The following MCMDC2 variants were observed in gnomAD, a reference collection of about 807,000 sequenced individuals.
MCMDC2 encodes minichromosome maintenance domain-containing protein 2.
A neutral mutation model predicts 75.8 loss-of-function variants in MCMDC2; 54 were observed. The observed-to-expected ratio is 0.71, with a 90% CI of 0.57 to 0.89. The LOEUF (loss-of-function observed/expected upper bound fraction) is 0.89, where lower values mean the gene tolerates loss of function less well. Ranked by LOEUF, MCMDC2 falls within the 40% of genes least tolerant of loss-of-function variation. The probability of loss-of-function intolerance (pLI) is 0.00; values close to 1 mark genes in which losing one functional copy is unlikely to be tolerated. For missense variants in MCMDC2, 656 were observed against 780.4 expected (o/e 0.84, Z 1.90); for synonymous variants, 249 against 274.6 (o/e 0.91, Z 0.92).
intron 14 of MCMDC2, among the ~76,000 whole-genome samples, chr8:66,918,445 G>T (rs1401917866): frequency 2.0e-5 from 3 of 152,134 alleles, no homozygotes; most frequent in African/African-American, 7.2e-5. Context: ...AATCCAAAGT[G>T]AATCTGTCCT....
At chr8:66,896,981 AC>A in intron 12 of MCMDC2, 22 bp downstream of exon 12, 1 of 1,573,902 alleles carries the variant, frequency 6.4e-7, no homozygotes, top group South Asian at 1.2e-5. Flanking sequence ...TAAAACGGTT[AC>A]CCAGAATGCC....
At position 66,896,279 on chromosome 8, in the gene MCMDC2, T is replaced by A; in HGVS notation, c.1389T>A (p.Asp463Glu). 1.2e-6 allele frequency: 2 copies of A among 1,611,852 alleles called. No homozygotes were observed. Among genetic ancestry groups the A allele is most frequent in the South Asian group, 2.2e-5 (2 of 90,302 alleles). Reference sequence around the variant, plus strand: ...AGTGCAGTTTTTGGTCTTTTGTTGATGTGGATTCATCTTCAAGGAGAAATG... The same window carrying A: ...AGTGCAGTTTTTGGTCTTTTGTTGAAGTGGATTCATCTTCAAGGAGAAATG... ...PVQCSFWSFV[D>E]VDSSSRRNAQ... The change falls in exon 11 of 15, where the codon GAT (aspartate) becomes GAA (glutamate). Residue 463 changes from aspartate to glutamate, a missense_variant. Transcript: ENST00000422365.
chr8:66,896,323 T>A lies in MCMDC2; in HGVS notation c.1433T>A (p.Leu478Gln). Residue 478 changes from leucine (L) to glutamine (Q), a missense_variant, in exon 11 of 15, where the codon CTA (leucine) becomes CAA (glutamine). Leu to Gln is a moderately radical substitution (Grantham distance 113). Transcript: ENST00000422365. The stretch of plus-strand genomic sequence containing the variant: ...AGAAATGCACAGAAAATCAACACTC[T>A]AATTGGTCAGATGGTAAGGTATATG... ...SRRNAQKINT[L>Q]IGQMDCSLIP... 6.2e-7 allele frequency: 1 copy of A among 1,606,796 alleles called. No individual in the cohort carries two copies. The highest frequency in any genetic ancestry group is 8.5e-7 in the Non-Finnish European group (1 of 1,178,520).
At chr8:66,889,472 C>A (rs118005034) in intron 9 of MCMDC2, among the ~76,000 whole-genome samples, 1 of 151,870 alleles carries the variant, frequency 6.6e-6, no homozygotes, top group South Asian at 2.1e-4. Flanking sequence ...CCAGCTTGTA[C>A]GACAGAGCGA....
chr8:66,877,552 T>G lies in MCMDC2; in HGVS notation c.481+8T>G. 6.3e-7 allele frequency: 1 copy of G among 1,587,184 alleles called. No homozygotes were observed. Among genetic ancestry groups the G allele is most frequent in the Non-Finnish European group, 8.6e-7 (1 of 1,169,396 alleles). On this transcript the variant is annotated splice_region_variant and intron_variant, in intron 5 of 14. Coordinates refer to ENST00000422365, the MANE Select transcript of MCMDC2 (RefSeq NM_173518.5). The stretch of plus-strand genomic sequence containing the variant: ...CATGCCCTCTTTCAAAAGGTAAATG[T>G]TAAATAGGAAAATCAAAGCATTAAG...
Position 66,912,606 on chromosome 8 carries a change from T to TA in MCMDC2, c.1880-6391dup, listed in dbSNP as rs1813160057. Reference sequence around the variant, plus strand: ...TACACCATGGAATATTATGCAGCCATAAAAAAGAATGAGTTCATGTACTTT... The same window carrying TA: ...TACACCATGGAATATTATGCAGCCATAAAAAAAGAATGAGTTCATGTACTTT... On this transcript the variant is annotated intron_variant, in intron 14 of 14. Transcript: ENST00000422365. Among the ~76,000 whole-genome samples the TA allele has an allele frequency of 5.3e-5, 8 of 152,068 alleles. No individual in the cohort carries two copies. In the South Asian group the frequency reaches 1.7e-3, roughly 32 times the overall value.
At chr8:66,923,955 C>T (rs1180270336), downstream of MCMDC2, among the ~76,000 whole-genome samples, 2 of 151,980 alleles carry the variant, frequency 1.3e-5, no homozygotes, top group Admixed American at 1.3e-4. Context: ...ACCCAAAAGA[C>T]TGATGGGCAC....
At chr8:66,892,027 G>A (rs574102696) in intron 10 of MCMDC2, among the ~76,000 whole-genome samples, 5 of 152,324 alleles carry the variant, frequency 3.3e-5, no homozygotes, top group East Asian at 1.9e-4. Context: ...CAGCTCTCTC[G>A]TTCCTGCTGC....
intron 12 of MCMDC2, among the ~76,000 whole-genome samples, chr8:66,897,484 G>A (rs1812416997): frequency 6.6e-6 from 1 of 151,744 alleles, no homozygotes; most frequent in Admixed American, 6.6e-5. Flanking sequence ...AGAAACAACT[G>A]TGTTAGGTAA....
intron 14 of MCMDC2, among the ~76,000 whole-genome samples, chr8:66,909,215 C>T (rs1386616020): frequency 6.6e-6 from 1 of 152,190 alleles, no homozygotes; most frequent in East Asian, 1.9e-4. Flanking sequence ...TTCCTGAGGC[C>T]TCCCCAGCCA....
At chr8:66,917,136 T>C (rs978232933) in intron 14 of MCMDC2, among the ~76,000 whole-genome samples, 12 of 151,976 alleles carry the variant, frequency 7.9e-5, no homozygotes. Flanking sequence ...TGTGACACTA[T>C]GTATATGGGA....
Position 66,877,351 on chromosome 8 carries a change from T to G in MCMDC2, c.288T>G (p.Ile96Met). ...TACCATTTTTATGTTCTTATTAGAT[T>G]AATATAGTGCTGAAATTAACACATT... ...LIGQLQTETQ[I>M]NIVLKLTHLP... Residue 96 changes from isoleucine to methionine, a missense_variant and splice_region_variant, in exon 5 of 15, where the codon ATT (isoleucine) becomes ATG (methionine). Coordinates refer to ENST00000422365, the MANE Select transcript of MCMDC2 (RefSeq NM_173518.5). 5 of 1,595,898 alleles carry G rather than the reference T, an allele frequency of 3.1e-6. No individual in the cohort carries two copies. The highest frequency in any genetic ancestry group is 4.3e-6 in the Non-Finnish European group (5 of 1,168,270).
At chr8:66,909,157 G>C (rs1813013168) in intron 14 of MCMDC2, among the ~76,000 whole-genome samples, 1 of 152,160 alleles carries the variant, frequency 6.6e-6, no homozygotes, top group Non-Finnish European at 1.5e-5. Flanking sequence ...CTGCTGCCTT[G>C]AAAGAAGGTG....
intron 14 of MCMDC2, among the ~76,000 whole-genome samples, chr8:66,915,084 C>A (rs769098442): frequency 2.0e-5 from 3 of 152,134 alleles, no homozygotes; most frequent in Non-Finnish European, 4.4e-5. Context: ...AATCCCAGCA[C>A]TTTGGGAGGC....
At chr8:66,918,191 TGTTTTTC>T (rs1369648410) in intron 14 of MCMDC2, among the ~76,000 whole-genome samples, 1 of 152,368 alleles carries the variant, frequency 6.6e-6, no homozygotes, top group East Asian at 1.9e-4. Context: ...ATTGGTCATT[TGTTTTTC>T]TTTAGAGAAA....
chr8:66,907,110 C>G (rs1030313028), intron 14 of MCMDC2, among the ~76,000 whole-genome samples: 1 of 151,870 alleles, frequency 6.6e-6, no homozygotes, highest in Non-Finnish European at 1.5e-5. Flanking sequence ...GTGTGCAGAA[C>G]ATGCAGGTTT....
intron 7 of MCMDC2, among the ~76,000 whole-genome samples, chr8:66,879,466 G>C (rs572286819): frequency 6.6e-6 from 1 of 151,932 alleles, no homozygotes; most frequent in African/African-American, 2.4e-5. Context: ...GGTGACGGAT[G>C]CCTGTAATCC....
chr8:66,896,712 TTAATTA>T, intron 11 of MCMDC2, 62 bp from the exon 12 acceptor site: 1 of 1,122,308 alleles, frequency 8.9e-7, no homozygotes, highest in Non-Finnish European at 1.2e-6. Flanking sequence ...TACTTTGTAA[TTAATTA>T]TTTCCAAATT....
chr8:66,925,183 G>A (rs1706709805), downstream of MCMDC2, among the ~76,000 whole-genome samples: 2 of 152,334 alleles, frequency 1.3e-5, no homozygotes, highest in South Asian at 2.1e-4. Flanking sequence ...TCTGAGCAGA[G>A]GACAGCGAAC....
Sources: gnomAD v4.1 joint callset for allele counts (sites outside exome capture counted in the v4.1 genomes callset) on GRCh38, gnomAD v4.1.1 for gene constraint, MANE v1.5 for transcripts, NCBI Gene and HGNC (gene_info 2026-07-23, HGNC 2026-07-21) for gene names.